SIDT1: variants seen among roughly 807,000 people sequenced by gnomAD.
The protein encoded by SIDT1 is SID1 transmembrane family, member 1.
SIDT1 carries 101 observed loss-of-function variants against 107.5 expected under a neutral mutation model. The observed-to-expected ratio is 0.94, with a 90% CI of 0.80 to 1.11. SIDT1 has a LOEUF of 1.11. SIDT1 is among the 50% of genes least tolerant of loss of function. The pLI is 0.00. For synonymous variants in SIDT1, 395 were observed against 398.2 expected, an observed-to-expected ratio of 0.99 and a Z score of 0.10; for missense variants, 1,076 against 1,058.2, an observed-to-expected ratio of 1.02 and a Z score of -0.23.
At chr3:113,555,788 G>C (rs1398014254) in intron 1 of SIDT1, among the ~76,000 whole-genome samples, 4 of 151,810 alleles carry the variant, frequency 2.6e-5, no homozygotes, top group East Asian at 3.9e-4. Flanking sequence ...GCTCTTCCAG[G>C]CTAGCTGGAA....
chr3:113,573,105 A>C (rs992497235), intron 3 of SIDT1, among the ~76,000 whole-genome samples: 3 of 152,044 alleles, frequency 2.0e-5, no homozygotes, highest in African/African-American at 7.3e-5. Flanking sequence ...GTGATTAATC[A>C]AATGTGGAAA....
rs774194071 is a variant in SIDT1, at chr3:113,593,011, G to C, written c.1008G>C (p.Gln336His). Reference protein sequence around the residue: ...LVGFVHYLRFQRKSIDGSFGS... With the variant: ...LVGFVHYLRFHRKSIDGSFGS... The stretch of plus-strand genomic sequence containing the variant: ...TGTATGTGCTTGTTTGCAGGTTTCA[G>C]AGAAAATCCATTGATGGAAGCTTTG... The change falls in exon 10 of 25, where the codon CAG becomes CAC. Residue 336 changes from glutamine to histidine, a missense_variant. Coordinates refer to ENST00000264852, the MANE Select transcript of SIDT1 (RefSeq NM_017699.3). 1.2e-6 allele frequency: 2 copies of C among 1,613,236 alleles called. No individual in the cohort carries two copies. Among genetic ancestry groups the C allele is most frequent in the Admixed American group, 1.7e-5 (1 of 59,996 alleles).
intron 4 of SIDT1, among the ~76,000 whole-genome samples, chr3:113,577,814 T>C (rs1444016837): frequency 1.3e-5 from 2 of 152,220 alleles, no homozygotes; most frequent in African/African-American, 4.8e-5. Flanking sequence ...ACTACTGCGG[T>C]GCTGGTAAAT....
intron 10 of SIDT1, 155 bp from the exon 11 acceptor site, chr3:113,601,433 G>A: frequency 2.0e-6 from 1 of 511,090 alleles, no homozygotes; most frequent in Non-Finnish European, 3.5e-6. Flanking sequence ...GGCTAGATTT[G>A]GCAGATGGGT....
downstream of SIDT1, among the ~76,000 whole-genome samples, chr3:113,632,420 T>C (rs1016223039): frequency 6.6e-6 from 1 of 152,208 alleles, no homozygotes; most frequent in African/African-American, 2.4e-5. Context: ...TTAAATTGCT[T>C]ATCTGAACCT....
chr3:113,607,078 A>G lies in SIDT1; in HGVS notation c.1442A>G (p.Tyr481Cys). ...NVTGNQDICY[Y>C]NFLCAHPLGV... ...ACTGGCAACCAGGACATCTGTTACT[A>G]CAACTTCCTCTGTGCTCACCCCTTG... The change falls in exon 15 of 25, where the codon TAC (tyrosine) becomes TGC (cysteine). Residue 481 changes from tyrosine to cysteine, a missense_variant. Tyr to Cys is a radical substitution (Grantham distance 194). Coordinates refer to ENST00000264852, the MANE Select transcript of SIDT1 (RefSeq NM_017699.3). 1 of 1,613,380 alleles carries G rather than the reference A, an allele frequency of 6.2e-7. No individual in the cohort carries two copies.
intron 21 of SIDT1, among the ~76,000 whole-genome samples, chr3:113,622,518 A>G (rs1298628446): frequency 6.6e-6 from 1 of 151,736 alleles, no homozygotes; most frequent in Non-Finnish European, 1.5e-5. Flanking sequence ...ATAAGAAAGA[A>G]TTATGTAATA....
chr3:113,579,903 G>A (rs575858419), intron 4 of SIDT1, among the ~76,000 whole-genome samples: 3 of 152,200 alleles, frequency 2.0e-5, no homozygotes, highest in Non-Finnish European at 4.4e-5. Flanking sequence ...TTTTTCCAGT[G>A]GATTCATAAT....
At chr3:113,564,829 G>A (rs886640417) in intron 1 of SIDT1, among the ~76,000 whole-genome samples, 2 of 152,184 alleles carry the variant, frequency 1.3e-5, no homozygotes, top group Non-Finnish European at 2.9e-5. Flanking sequence ...TTCAGCTGCA[G>A]CATAATTTCC....
intron 1 of SIDT1, among the ~76,000 whole-genome samples, chr3:113,540,724 C>T (rs1938727753): frequency 6.6e-6 from 1 of 152,176 alleles, no homozygotes; most frequent in South Asian, 2.1e-4. Flanking sequence ...TCTTCCTCTA[C>T]AAGTAACCAT....
chr3:113,552,987 G>GA, intron 1 of SIDT1, among the ~76,000 whole-genome samples: 1 of 152,272 alleles, frequency 6.6e-6, no homozygotes, highest in Admixed American at 6.5e-5. Context: ...GCGTTTGTTA[G>GA]AAACAACTTC....
chr3:113,533,083 C>G lies in SIDT1; in HGVS notation c.62C>G (p.Ser21Trp). Residue 21 changes from serine to tryptophan, a missense_variant, in exon 1 of 25, where the codon TCG becomes TGG. Physicochemically the swap from Ser to Trp is radical, Grantham distance 177 (BLOSUM62 -3). Coordinates refer to ENST00000264852, the MANE Select transcript of SIDT1 (RefSeq NM_017699.3). ...CTGCCCTGGCTCCTGCTGGCGGCGT[C>G]GCCCGGGCACCCGGCGAAATCCCCC... ...CALPWLLLAA[S>W]PGHPAKSPRQ... The G allele has an allele frequency of 6.6e-7, 1 of 1,507,852 alleles. No homozygotes were observed. Among genetic ancestry groups the G allele is most frequent in the Non-Finnish European group, 8.9e-7 (1 of 1,128,338 alleles). The allele number at this position is 1,507,852 out of a possible 1,614,324, so 93.4% of individuals were successfully genotyped here. A position where few individuals can be genotyped will look rare whatever the true frequency, so the allele number is the denominator to read the frequency against.
intron 11 of SIDT1, chr3:113,602,705 C>T (rs1223999939): frequency 4.5e-6 from 1 of 223,528 alleles, no homozygotes; most frequent in African/African-American, 2.3e-5. Flanking sequence ...ACATATGAAA[C>T]ATGAAATAGA....
At chr3:113,593,141 T>C in intron 10 of SIDT1, 93 bp downstream of exon 10, 1 of 1,055,304 alleles carries the variant, frequency 9.5e-7, no homozygotes, top group Non-Finnish European at 1.5e-6. Context: ...CCTTTTGCAA[T>C]TTACAAACCC....
intron 4 of SIDT1, among the ~76,000 whole-genome samples, chr3:113,578,898 A>G (rs1943121257): frequency 6.6e-6 from 1 of 152,242 alleles, no homozygotes; most frequent in African/African-American, 2.4e-5. Context: ...CCCAAAATGG[A>G]GTAAAATATA....
chr3:113,610,478 A>G (rs1355597634), intron 17 of SIDT1, among the ~76,000 whole-genome samples: 1 of 152,232 alleles, frequency 6.6e-6, no homozygotes, highest in African/African-American at 2.4e-5. Context: ...TTGCATGTCC[A>G]CAATTGTAAT....
At chr3:113,586,437 C>T (rs1943750996) in intron 9 of SIDT1, among the ~76,000 whole-genome samples, 1 of 152,154 alleles carries the variant, frequency 6.6e-6, no homozygotes, top group African/African-American at 2.4e-5. Context: ...CTCTTGACCA[C>T]AGCAAAATGC....
At chr3:113,601,056 G>A (rs1944925237) in intron 10 of SIDT1, among the ~76,000 whole-genome samples, 1 of 152,166 alleles carries the variant, frequency 6.6e-6, no homozygotes. Context: ...CACCAAAGAA[G>A]AAAAGAAATT....
intron 10 of SIDT1, among the ~76,000 whole-genome samples, chr3:113,600,835 G>A (rs1371260251): frequency 6.6e-6 from 1 of 152,188 alleles, no homozygotes; most frequent in Admixed American, 6.5e-5. Flanking sequence ...AGAAAGGCCA[G>A]GGAACACCTA....
Sources: gnomAD v4.1 joint callset for allele counts (sites outside exome capture counted in the v4.1 genomes callset) on GRCh38, gnomAD v4.1.1 for gene constraint, MANE v1.5 for transcripts, NCBI Gene and HGNC (gene_info 2026-07-23, HGNC 2026-07-21) for gene names.